Variants in NRG1 observed in about 807,000 individuals in gnomAD.
NRG1 encodes neuregulin 1, also known as pro-neuregulin-1, membrane-bound isoform.
NRG1 carries 18 observed loss-of-function variants against 63.8 expected under a neutral mutation model. The ratio of observed to expected loss-of-function variants is 0.28; its 90% CI spans 0.19 to 0.42. NRG1 has a LOEUF of 0.42. Among genes scored for constraint, NRG1 ranks in the 10% least tolerant of loss-of-function variants. NRG1 has a pLI of 1.00. For synonymous variants in NRG1, 302 were observed against 301.3 expected (o/e 1.00, Z -0.02); for missense variants, 762 against 814.7 (o/e 0.94, Z 0.79).
chr8:32,048,904 A>T (rs540535324), intron 1 of NRG1, among the ~76,000 whole-genome samples: 45 of 151,988 alleles, frequency 3.0e-4, no homozygotes, highest in South Asian at 6.2e-4. Context: ...ATGTTTTCCC[A>T]TAGGATAGAT....
At chr8:32,637,608 G>A (rs1264706148) in intron 5 of NRG1, among the ~76,000 whole-genome samples, 5 of 152,148 alleles carry the variant, frequency 3.3e-5, no homozygotes, top group Non-Finnish European at 5.9e-5. Flanking sequence ...ATGTTCGGGC[G>A]ATTCCCATTT....
At chr8:32,736,010 T>TA (rs139711052) in intron 6 of NRG1, among the ~76,000 whole-genome samples, 16,771 of 147,926 alleles carry the variant, frequency 0.11, 989 homozygotes, top group African/African-American at 0.12. Context: ...AGATTGTCAT[T>TA]AAAAAAAAAA....
chr8:32,463,329 G>T (rs1822570862), intron 1 of NRG1, among the ~76,000 whole-genome samples: 1 of 152,094 alleles, frequency 6.6e-6, no homozygotes, highest in Non-Finnish European at 1.5e-5. Flanking sequence ...GGGATTGCTG[G>T]ATCATATGGT....
chr8:32,699,173 G>A lies in NRG1; in HGVS notation c.503-28776G>A, dbSNP rs141530826. 1.3e-3 allele frequency among the ~76,000 whole-genome samples: 205 copies of A among 152,300 alleles called. 1 individual carries two copies. Among genetic ancestry groups the A allele is most frequent in the African/African-American group, 4.7e-3 (195 of 41,586 alleles). On this transcript the variant is annotated intron_variant, in intron 5 of 11. Transcript: ENST00000356819. ...TTCCCACTTCTTCAAAAGAGAGTGT[G>A]TTTGTTCCATGGCCAATTAGTTTGA...
chr8:32,148,845 T>C (rs1178192383), intron 1 of NRG1, among the ~76,000 whole-genome samples: 2 of 152,212 alleles, frequency 1.3e-5, no homozygotes, highest in Admixed American at 6.5e-5. Flanking sequence ...AACTCAGATA[T>C]GTATTAAGTC....
chr8:32,626,650 A>T (rs1156433038), intron 5 of NRG1, among the ~76,000 whole-genome samples: 1 of 151,756 alleles, frequency 6.6e-6, no homozygotes, highest in Non-Finnish European at 1.5e-5. Context: ...ACTGCCCTCC[A>T]GCCTGGGCGA....
chr8:32,574,626 T>A (rs979644671), intron 1 of NRG1, among the ~76,000 whole-genome samples: 3 of 152,174 alleles, frequency 2.0e-5, no homozygotes, highest in Non-Finnish European at 2.9e-5. Context: ...TGCTCGCTCC[T>A]GCTTTCACCA....
chr8:32,350,512 A>G (rs964884), intron 1 of NRG1, among the ~76,000 whole-genome samples: 129,403 of 152,106 alleles, frequency 0.85, 55,360 homozygotes, highest in Middle Eastern at 0.92. Context: ...TTTATTTAAC[A>G]AAGACGTGGA....
intron 1 of NRG1, among the ~76,000 whole-genome samples, chr8:31,810,476 C>G (rs997088844): frequency 6.6e-6 from 1 of 152,120 alleles, no homozygotes; most frequent in African/African-American, 2.4e-5. Context: ...TATCATTGTT[C>G]ACTGTGTTTC....
intron 1 of NRG1, among the ~76,000 whole-genome samples, chr8:31,717,759 A>G (rs1042931477): frequency 2.0e-5 from 3 of 152,258 alleles, no homozygotes; most frequent in Non-Finnish European, 1.5e-5. Flanking sequence ...GGCCCCCTCC[A>G]AAGTGTTGTA....
chr8:32,431,760 A>T (rs1818180807), intron 1 of NRG1, among the ~76,000 whole-genome samples: 1 of 152,020 alleles, frequency 6.6e-6, no homozygotes, highest in Non-Finnish European at 1.5e-5. Context: ...CTGAGGGAAA[A>T]AATTACATTT....
At chr8:32,561,550 T>A (rs992577713) in intron 1 of NRG1, among the ~76,000 whole-genome samples, 1 of 152,202 alleles carries the variant, frequency 6.6e-6, no homozygotes, top group Admixed American at 6.5e-5. Flanking sequence ...AATGCCTTTA[T>A]GCAGGAAACT....
intron 1 of NRG1, among the ~76,000 whole-genome samples, chr8:32,392,136 G>A (rs569337248): frequency 1.1e-4 from 17 of 152,226 alleles, no homozygotes; most frequent in Admixed American, 3.3e-4. Flanking sequence ...AGAGGCTGGC[G>A]ATCACCATTA....
chr8:32,550,986 A>G (rs913381653), intron 1 of NRG1, among the ~76,000 whole-genome samples: 1 of 152,194 alleles, frequency 6.6e-6, no homozygotes, highest in African/African-American at 2.4e-5. Context: ...TGTATTCTTT[A>G]TTTGATTCAG....
chr8:32,366,675 GTGTATATATATATATATATATA>G (rs1355302846), intron 1 of NRG1, among the ~76,000 whole-genome samples: 3 of 54,548 alleles, frequency 5.5e-5, no homozygotes, highest in Admixed American at 1.9e-4. Context: ...GTGTGTGTGT[GTGTATATATATATATATATATA>G]TATATATATA....
chr8:32,754,376 G>A (rs770570976), exon 8 of NRG1: 70 of 1,613,486 alleles, frequency 4.3e-5, no homozygotes, highest in African/African-American at 3.1e-4. Flanking sequence ...TTCCAGAGGC[G>A]GAGGAGCTGT....
chr8:32,063,137 G>A (rs1050431417), intron 1 of NRG1: 1 of 152,046 alleles, frequency 6.6e-6, no homozygotes, highest in African/African-American at 2.4e-5. Flanking sequence ...ACAAAAGATG[G>A]ACAGCTCTAA....
intron 1 of NRG1, among the ~76,000 whole-genome samples, chr8:31,957,677 A>G (rs1804681812): frequency 6.6e-6 from 1 of 150,718 alleles, no homozygotes. Context: ...ATTTGCACTG[A>G]CAGCCCATCA....
chr8:32,433,468 C>A (rs1818415210), intron 1 of NRG1, among the ~76,000 whole-genome samples: 1 of 152,120 alleles, frequency 6.6e-6, no homozygotes, highest in African/African-American at 2.4e-5. Flanking sequence ...AGGAACTTTT[C>A]CCTTTTGGGC....
Sources: gnomAD v4.1 joint callset for allele counts (sites outside exome capture counted in the v4.1 genomes callset) on GRCh38, gnomAD v4.1.1 for gene constraint, MANE v1.5 for transcripts, NCBI Gene and HGNC (gene_info 2026-07-23, HGNC 2026-07-21) for gene names.